The following FCHSD2 variants were observed in gnomAD, a reference collection of about 807,000 sequenced individuals.
FCHSD2 encodes the protein F-BAR and double SH3 domains protein 2.
A neutral mutation model predicts 108.1 loss-of-function variants in FCHSD2; 38 were observed. The ratio of observed to expected loss-of-function variants is 0.35; its 90% confidence interval spans 0.27 to 0.46. The LOEUF is 0.46. Ranked by LOEUF, FCHSD2 falls within the 20% of genes least tolerant of loss-of-function variation. The pLI is 1.00. For missense variants in FCHSD2, 751 were observed against 897.8 expected (o/e 0.84, Z 2.09); for synonymous variants, 279 against 314.7 (o/e 0.89, Z 1.20).
chr11:72,900,819 A>G (rs1029793372), intron 10 of FCHSD2, among the ~76,000 whole-genome samples: 8 of 152,194 alleles, frequency 5.3e-5, no homozygotes, highest in Non-Finnish European at 2.9e-5. Flanking sequence ...ATGTGTTTCT[A>G]TTAAACTGAT....
intron 11 of FCHSD2, among the ~76,000 whole-genome samples, chr11:72,888,781 C>T (rs899848458): frequency 2.6e-5 from 4 of 151,832 alleles, no homozygotes; most frequent in Admixed American, 1.3e-4. Flanking sequence ...CCCCCATGCC[C>T]GACTAATTTT....
At chr11:72,852,586 C>A (rs539163722) in intron 13 of FCHSD2, among the ~76,000 whole-genome samples, 1 of 151,992 alleles carries the variant, frequency 6.6e-6, no homozygotes, top group East Asian at 1.9e-4. Flanking sequence ...ATTGCTTGAA[C>A]CTGGGAGGTG....
chr11:72,842,846 G>A lies in FCHSD2; in HGVS notation c.1706-5C>T, dbSNP rs201613221. ...AAAGTGCTTTCACAAAACATACTAG[G>A]GAGCAAGAGAAAAACAAATCTGGTA... On this transcript the variant is annotated splice_polypyrimidine_tract_variant and splice_region_variant and intron_variant, in intron 16 of 19. Transcript: ENST00000409418. 121 of 1,610,376 alleles carry A rather than the reference G, an allele frequency of 7.5e-5. No homozygotes were observed. The African/African-American group carries it at 1.5e-3, about 20-fold the overall frequency.
chr11:72,856,149 A>C (rs1861423724), intron 13 of FCHSD2, among the ~76,000 whole-genome samples: 1 of 152,204 alleles, frequency 6.6e-6, no homozygotes, highest in Non-Finnish European at 1.5e-5. Context: ...TGTATGTAGA[A>C]AACTACGCTA....
At chr11:72,992,794 C>T (rs377235232) in intron 5 of FCHSD2, among the ~76,000 whole-genome samples, 69 of 148,208 alleles carry the variant, frequency 4.7e-4, no homozygotes, top group South Asian at 8.5e-4. Flanking sequence ...AGACCTAAAA[C>T]CATAAAAACC....
At chr11:73,126,172 T>C (rs1445670485) in intron 2 of FCHSD2, among the ~76,000 whole-genome samples, 1 of 151,108 alleles carries the variant, frequency 6.6e-6, no homozygotes, top group African/African-American at 2.4e-5. Context: ...AAATCCCATC[T>C]CTACTAAAAA....
At chr11:72,876,216 G>A (rs766046061) in intron 12 of FCHSD2, among the ~76,000 whole-genome samples, 4 of 152,096 alleles carry the variant, frequency 2.6e-5, no homozygotes, top group Admixed American at 6.6e-5. Flanking sequence ...TGTAGTCCCA[G>A]CTATTCGGGA....
At chr11:72,983,090 C>T (rs965357433) in intron 8 of FCHSD2, among the ~76,000 whole-genome samples, 12 of 151,734 alleles carry the variant, frequency 7.9e-5, no homozygotes, top group Non-Finnish European at 7.4e-5. Flanking sequence ...GTCAGGAGAT[C>T]GAGACCATCC....
At chr11:72,991,807 C>T (rs943666245) in intron 5 of FCHSD2, among the ~76,000 whole-genome samples, 9 of 152,156 alleles carry the variant, frequency 5.9e-5, no homozygotes, top group African/African-American at 2.2e-4. Flanking sequence ...CAATATCATA[C>T]TGAATGGGCA....
intron 2 of FCHSD2, among the ~76,000 whole-genome samples, chr11:73,127,058 C>T (rs1166002497): frequency 6.6e-6 from 1 of 152,100 alleles, no homozygotes; most frequent in Admixed American, 6.6e-5. Flanking sequence ...CAAAAAGAGT[C>T]TCTGTCCCTT....
intron 3 of FCHSD2, among the ~76,000 whole-genome samples, chr11:73,021,529 G>A (rs572519422): frequency 6.6e-6 from 1 of 152,212 alleles, no homozygotes; most frequent in Non-Finnish European, 1.5e-5. Context: ...AACACATAGA[G>A]GAGAACAACA....
chr11:72,902,480 A>T (rs1240957904), intron 10 of FCHSD2, 63 bp downstream of exon 10: 3 of 1,084,098 alleles, frequency 2.8e-6, no homozygotes, highest in Non-Finnish European at 4.1e-6. Flanking sequence ...GCCAAGGGTA[A>T]CTGTTACTTA....
At chr11:72,935,037 A>T (rs1856273181) in intron 8 of FCHSD2, among the ~76,000 whole-genome samples, 1 of 152,100 alleles carries the variant, frequency 6.6e-6, no homozygotes, top group Admixed American at 6.5e-5. Flanking sequence ...TATCTACTTG[A>T]TCCTTAAAAT....
chr11:72,880,123 C>A (rs563670251), intron 12 of FCHSD2, among the ~76,000 whole-genome samples: 1 of 151,104 alleles, frequency 6.6e-6, no homozygotes, highest in African/African-American at 2.4e-5. Context: ...AAAACCCCAA[C>A]CCCAGGAATA....
rs887027491 is a variant in FCHSD2, at chr11:73,142,032, G to C, written c.-155C>G. On this transcript the variant is annotated 5_prime_UTR_variant, in exon 1 of 20. Coordinates refer to ENST00000409418, the MANE Select transcript of FCHSD2 (RefSeq NM_014824.3). Reference sequence around the variant, plus strand: ...CTTGCCCCGGAGGGAGCAGGCCAGCGGGCGGCAGGCGGACCCCAGCCAGAG... The same window carrying C: ...CTTGCCCCGGAGGGAGCAGGCCAGCCGGCGGCAGGCGGACCCCAGCCAGAG... The C allele has an allele frequency of 4.4e-6, 3 of 682,912 alleles. No individual in the cohort carries two copies. The highest frequency in any genetic ancestry group is 1.9e-5 in the South Asian group (1 of 52,522). 42.3% of individuals were successfully genotyped at this position (682,912 alleles called of 1,614,324 possible).
intron 12 of FCHSD2, among the ~76,000 whole-genome samples, chr11:72,885,709 C>A (rs958635236): frequency 1.3e-5 from 2 of 152,028 alleles, no homozygotes; most frequent in Non-Finnish European, 2.9e-5. Context: ...ATCTAGAGTG[C>A]GGAGAAACAA....
At chr11:73,077,520 T>C in intron 3 of FCHSD2, 2 of 342,244 alleles carry the variant, frequency 5.8e-6, no homozygotes, top group Admixed American at 4.5e-5. Flanking sequence ...GATTCAGCCA[T>C]TCCATTCCAC....
At chr11:72,847,181 A>G (rs1260380353) in intron 14 of FCHSD2, among the ~76,000 whole-genome samples, 1 of 152,102 alleles carries the variant, frequency 6.6e-6, no homozygotes, top group Non-Finnish European at 1.5e-5. Flanking sequence ...ATTTTTCTGT[A>G]GAGACCAGGT....
At chr11:72,890,716 T>C (rs1020639362) in intron 10 of FCHSD2, among the ~76,000 whole-genome samples, 3 of 151,940 alleles carry the variant, frequency 2.0e-5, no homozygotes, top group Admixed American at 2.0e-4. Flanking sequence ...CCCACATCAT[T>C]TTATAGAAAA....
Sources: allele counts gnomAD v4.1 joint callset (sites outside exome capture counted in the v4.1 genomes callset), GRCh38; gene constraint gnomAD v4.1.1; transcripts MANE v1.5; gene names NCBI Gene and HGNC (gene_info 2026-07-23, HGNC 2026-07-21).